PIEZO2: variants seen among roughly 807,000 people sequenced by gnomAD.
The protein encoded by PIEZO2 is piezo-type mechanosensitive ion channel component 2.
Under a neutral mutation model 337.3 loss-of-function variants are expected in PIEZO2, and 172 were observed. The ratio of observed to expected loss-of-function variants is 0.51; its 90% CI spans 0.45 to 0.58. The LOEUF (loss-of-function observed/expected upper bound fraction) is 0.58. Among genes scored for constraint, PIEZO2 ranks in the 20% least tolerant of loss-of-function variants. The pLI is 0.00. For missense variants in PIEZO2, 3,028 were observed against 3,391.3 expected (o/e 0.89, Z 2.66); for synonymous variants, 1,251 against 1,228.5 (o/e 1.02, Z -0.38).
At chr18:10,990,790 G>C (rs1274644232) in intron 2 of PIEZO2, among the ~76,000 whole-genome samples, 1 of 150,136 alleles carries the variant, frequency 6.7e-6, no homozygotes, top group Non-Finnish European at 1.5e-5. Flanking sequence ...GACTATTAAT[G>C]TAGTAAATAA....
chr18:10,869,173 A>T (rs1336021735), intron 5 of PIEZO2, among the ~76,000 whole-genome samples: 4 of 152,226 alleles, frequency 2.6e-5, no homozygotes, highest in Admixed American at 2.6e-4. Flanking sequence ...AGCATTCACA[A>T]CTACTAGGTG....
intron 1 of PIEZO2, among the ~76,000 whole-genome samples, chr18:11,085,558 T>C (rs548264237): frequency 1.3e-5 from 2 of 152,288 alleles, no homozygotes; most frequent in East Asian, 3.9e-4. Context: ...TAGGGGGCTC[T>C]TAGTACACAC....
At chr18:10,843,015 C>G (rs1244134555) in intron 7 of PIEZO2, among the ~76,000 whole-genome samples, 1 of 152,158 alleles carries the variant, frequency 6.6e-6, no homozygotes, top group Non-Finnish European at 1.5e-5. Context: ...GATAAAACAG[C>G]AAAAGTTACT....
At chr18:10,720,618 C>T (rs1598398734) in intron 36 of PIEZO2, among the ~76,000 whole-genome samples, 1 of 150,790 alleles carries the variant, frequency 6.6e-6, no homozygotes, top group South Asian at 2.1e-4. Flanking sequence ...CCACACCTGA[C>T]TATATTAAGA....
At position 10,705,742 on chromosome 18, in the gene PIEZO2, G is replaced by A; in HGVS notation, c.5593C>T (p.Pro1865Ser). Residue 1865 changes from proline to serine, a missense_variant, in exon 41 of 56, where the codon CCC (proline) becomes TCC (serine). Physicochemically the swap from Pro to Ser is moderately conservative, Grantham distance 74. Transcript: ENST00000674853. ...GAGTACAGCATGGTACACTGCGTGGGCTCGCTGTTGGGAGAAAGCGTGGGC... is the reference window on the plus strand; with the variant it reads ...GAGTACAGCATGGTACACTGCGTGGACTCGCTGTTGGGAGAAAGCGTGGGC... Reference protein sequence around the residue: ...ADSGSLASSEPTQCTMLYSRQ... With the variant: ...ADSGSLASSESTQCTMLYSRQ... 3.3e-6 allele frequency: 5 copies of A among 1,522,560 alleles called. No individual in the cohort carries two copies. The highest frequency in any genetic ancestry group is 4.4e-6 in the Non-Finnish European group (5 of 1,138,096). The allele number at this position is 1,522,560 out of a possible 1,614,324, so 94.3% of individuals were successfully genotyped here. A position where few individuals can be genotyped will look rare whatever the true frequency, so the allele number is the denominator to read the frequency against.
Position 10,870,489 on chromosome 18 carries a change from T to A in PIEZO2, c.492+764A>T. Among the ~76,000 whole-genome samples, 1 of 152,202 alleles carries A rather than the reference T, an allele frequency of 6.6e-6. No individual in the cohort carries two copies. Among genetic ancestry groups the A allele is most frequent in the East Asian group, 1.9e-4 (1 of 5,194 alleles). Reference sequence around the variant, plus strand: ...TCCTTTATAAATGTTATCTTTCCACTAATAAATCAATTACTCTTTAAACTG... The same window carrying A: ...TCCTTTATAAATGTTATCTTTCCACAAATAAATCAATTACTCTTTAAACTG... On this transcript the variant is annotated intron_variant, in intron 5 of 55. Transcript: ENST00000674853. The surrounding 1 kb of genome is among the most constrained non-coding windows in gnomAD (Gnocchi z 5.3).
rs1036417888 is a variant in PIEZO2, at chr18:11,070,593, T to C, written c.65-4371A>G. Among the ~76,000 whole-genome samples the C allele has an allele frequency of 6.6e-6, 1 of 152,176 alleles. No homozygotes were observed. The highest frequency in any genetic ancestry group is 2.4e-5 in the African/African-American group (1 of 41,430). On this transcript the variant is annotated intron_variant, in intron 1 of 55. Transcript: ENST00000674853. The surrounding 1 kb of genome is among the most constrained non-coding windows in gnomAD (Gnocchi z 4.3). ...GCCTAGCTTCACAAAGGGAAAGGTT[T>C]TCACAAAAGAAGTCCACTGCAAAAG...
chr18:10,953,076 TA>T lies in PIEZO2; in HGVS notation c.286+26458del, dbSNP rs1201898327. On this transcript the variant is annotated intron_variant, in intron 3 of 55. Coordinates refer to ENST00000674853, the MANE Select transcript of PIEZO2 (RefSeq NM_001378183.1). The surrounding 1 kb of genome is among the most constrained non-coding windows in gnomAD (Gnocchi z 5.2). Reference sequence around the variant, plus strand: ...GTGTCTATTCAAAAATTTTGCCCATTAAAAAAAATGAGATGTTTCCTTAGTA... The same window carrying T: ...GTGTCTATTCAAAAATTTTGCCCATTAAAAAAATGAGATGTTTCCTTAGTA... Among the ~76,000 whole-genome samples the T allele has an allele frequency of 6.6e-6, 1 of 151,834 alleles. No homozygotes were observed. The highest frequency in any genetic ancestry group is 6.6e-5 in the Admixed American group (1 of 15,224).
Position 11,083,812 on chromosome 18 carries a change from A to G in PIEZO2, c.65-17590T>C, listed in dbSNP as rs1296391786. Among the ~76,000 whole-genome samples the G allele has an allele frequency of 6.6e-6, 1 of 152,222 alleles. No homozygotes were observed. Among genetic ancestry groups the G allele is most frequent in the African/African-American group, 2.4e-5 (1 of 41,456 alleles). ...AAGCTTCCATGTGACAGCCAGCTGT[A>G]TACTTGTTTGATATCAAAACAACCA... On this transcript the variant is annotated intron_variant, in intron 1 of 55. Coordinates refer to ENST00000674853, the MANE Select transcript of PIEZO2 (RefSeq NM_001378183.1). This position sits in a 1 kb window ranked among gnomAD's most constrained non-coding sequence, Gnocchi z 4.4.
chr18:10,953,443 A>T lies in PIEZO2; in HGVS notation c.286+26092T>A, dbSNP rs765195570. Among the ~76,000 whole-genome samples, 6 of 152,168 alleles carry T rather than the reference A, an allele frequency of 3.9e-5. No homozygotes were observed. The highest frequency in any genetic ancestry group is 7.4e-5 in the Non-Finnish European group (5 of 68,022). On this transcript the variant is annotated intron_variant, in intron 3 of 55. Coordinates refer to ENST00000674853, the MANE Select transcript of PIEZO2 (RefSeq NM_001378183.1). The surrounding 1 kb of genome is among the most constrained non-coding windows in gnomAD (Gnocchi z 5.2). ...ATTTTTGTATATGGAGCAAATTAAGAATTTAAGTTCTTTTTTTAATATAAA... is the reference window on the plus strand; with the variant it reads ...ATTTTTGTATATGGAGCAAATTAAGTATTTAAGTTCTTTTTTTAATATAAA...
Position 10,801,379 on chromosome 18 carries a change from G to A in PIEZO2, c.1239+11C>T. ...CACATGCATAAATGATAATTCTAAG[G>A]GTATACTAACATCAGATGGTTTGTA... On this transcript the variant is annotated intron_variant, in intron 10 of 55. Coordinates refer to ENST00000674853, the MANE Select transcript of PIEZO2 (RefSeq NM_001378183.1). 1.4e-6 allele frequency: 2 copies of A among 1,477,030 alleles called. No individual in the cohort carries two copies. The highest frequency in any genetic ancestry group is 1.8e-6 in the Non-Finnish European group (2 of 1,091,970). The allele number at this position is 1,477,030 out of a possible 1,614,324, so 91.5% of individuals were successfully genotyped here.
At chr18:10,946,799 T>C (rs754752619) in intron 3 of PIEZO2, among the ~76,000 whole-genome samples, 7 of 152,110 alleles carry the variant, frequency 4.6e-5, no homozygotes, top group African/African-American at 7.2e-5. Context: ...AAAACACCTA[T>C]GATAGATACA....
intron 54 of PIEZO2, among the ~76,000 whole-genome samples, 162 bp downstream of exon 54, chr18:10,675,047 C>T (rs548083496): frequency 5.3e-5 from 8 of 152,298 alleles, no homozygotes; most frequent in African/African-American, 1.9e-4. Context: ...GAGTGAGTGA[C>T]TCCTTTGGGC....
chr18:10,846,052 C>A lies in PIEZO2; in HGVS notation c.917+9301G>T, dbSNP rs895048947. 6.6e-6 allele frequency among the ~76,000 whole-genome samples: 1 copy of A among 152,110 alleles called. No individual in the cohort carries two copies. The highest frequency in any genetic ancestry group is 1.5e-5 in the Non-Finnish European group (1 of 68,014). On this transcript the variant is annotated intron_variant, in intron 7 of 55. Transcript: ENST00000674853. This position sits in a 1 kb window ranked among gnomAD's most constrained non-coding sequence, Gnocchi z 4.1. ...TGATGACCTTTCTGGAAAATAATTT[C>A]CCCACACATCTTATAGCCAGTGGCC...
chr18:10,842,148 C>CAAAA (rs34809564), intron 7 of PIEZO2, among the ~76,000 whole-genome samples: 1 of 70,338 alleles, frequency 1.4e-5, no homozygotes, highest in East Asian at 5.0e-4. Flanking sequence ...GACTCCGTCT[C>CAAAA]AAAAAAAAAA....
intron 2 of PIEZO2, among the ~76,000 whole-genome samples, chr18:11,011,733 T>C (rs977194337): frequency 2.0e-5 from 3 of 152,196 alleles, no homozygotes; most frequent in Non-Finnish European, 4.4e-5. Context: ...TTAGAGGAAG[T>C]CTCCACCAAA....
intron 2 of PIEZO2, among the ~76,000 whole-genome samples, chr18:11,056,746 T>C (rs2037744999): frequency 6.6e-6 from 1 of 151,980 alleles, no homozygotes; most frequent in African/African-American, 2.4e-5. Flanking sequence ...TGGCTCTATG[T>C]ACAACCAGGC....
At chr18:11,124,384 T>C (rs1355327083) in intron 1 of PIEZO2, among the ~76,000 whole-genome samples, 1 of 152,140 alleles carries the variant, frequency 6.6e-6, no homozygotes, top group African/African-American at 2.4e-5. Flanking sequence ...ACCTAAGAAA[T>C]CATTTATTGT....
intron 3 of PIEZO2, among the ~76,000 whole-genome samples, chr18:10,964,195 A>G (rs2033906027): frequency 6.6e-6 from 1 of 152,222 alleles, no homozygotes; most frequent in South Asian, 2.1e-4. Flanking sequence ...AAAGTGATTA[A>G]TTAACCTCCA....
Sources: allele counts gnomAD v4.1 joint callset (sites outside exome capture counted in the v4.1 genomes callset), GRCh38; gene constraint gnomAD v4.1.1; non-coding constraint Gnocchi (gnomAD v3.1); transcripts MANE v1.5; gene names NCBI Gene and HGNC (gene_info 2026-07-23, HGNC 2026-07-21).